The following SNAP23 variants were observed in gnomAD, a reference collection of about 807,000 sequenced individuals.
SNAP23 encodes the protein synaptosomal-associated protein 23.
In SNAP23, 11 loss-of-function variants were observed where a neutral mutation model predicts 29.0. The ratio of observed to expected loss-of-function variants is 0.38; its 90% CI spans 0.24 to 0.63. The LOEUF (loss-of-function observed/expected upper bound fraction) is 0.63. Among genes scored for constraint, SNAP23 ranks in the 20% least tolerant of loss-of-function variants. The pLI, the probability that SNAP23 is intolerant of heterozygous loss-of-function variation, is 0.58. For missense variants in SNAP23, 220 were observed against 253.9 expected (o/e 0.87, Z 0.91); for synonymous variants, 60 against 82.9 (o/e 0.72, Z 1.50).
intron 1 of SNAP23, among the ~76,000 whole-genome samples, chr15:42,506,501 G>T (rs2057318103): frequency 6.6e-6 from 1 of 152,188 alleles, no homozygotes; most frequent in African/African-American, 2.4e-5. Flanking sequence ...GCCCTCAAAA[G>T]TGCCAGAGTT....
rs532927058 is a variant in SNAP23, at chr15:42,531,619, C to T, written c.*141C>T. On this transcript the variant is annotated 3_prime_UTR_variant, in exon 8 of 8. Transcript: ENST00000249647. ...GGAAGAAGGGCCAGAGCAGTTACAGCCCTCCTTCTTTTTTGTTTTCTGTTG... is the reference window on the plus strand; with the variant it reads ...GGAAGAAGGGCCAGAGCAGTTACAGTCCTCCTTCTTTTTTGTTTTCTGTTG... 16 of 549,722 alleles carry T rather than the reference C, an allele frequency of 2.9e-5. No individual in the cohort carries two copies. The highest frequency in any genetic ancestry group is 2.9e-4 in the African/African-American group (15 of 51,574). 34.1% of individuals were successfully genotyped at this position (549,722 alleles called of 1,614,324 possible). A position where few individuals can be genotyped will look rare whatever the true frequency, so the allele number is the denominator to read the frequency against.
chr15:42,500,623 C>T (rs1433633941), intron 1 of SNAP23, among the ~76,000 whole-genome samples: 2 of 152,098 alleles, frequency 1.3e-5, no homozygotes, highest in African/African-American at 2.4e-5. Flanking sequence ...CTCCTGACCT[C>T]AGATGATCTG....
chr15:42,499,577 G>A (rs969663982), intron 1 of SNAP23, among the ~76,000 whole-genome samples: 8 of 152,062 alleles, frequency 5.3e-5, no homozygotes, highest in African/African-American at 1.9e-4. Flanking sequence ...CTTCCAAAGT[G>A]ATAATCTGTG....
intron 4 of SNAP23, 111 bp downstream of exon 4, chr15:42,513,558 T>G: frequency 1.2e-6 from 1 of 802,510 alleles, no homozygotes; most frequent in Non-Finnish European, 2.1e-6. Flanking sequence ...CTTTGTAAAA[T>G]AAGAATGTTA....
rs1254672284 is a variant in SNAP23, at chr15:42,529,725, T to G, written c.476T>G (p.Val159Gly). 6.2e-7 allele frequency: 1 copy of G among 1,614,094 alleles called. No individual in the cohort carries two copies. The highest frequency in any genetic ancestry group is 8.5e-7 in the Non-Finnish European group (1 of 1,179,980). The change falls in exon 7 of 8, where the codon GTG becomes GGG. Residue 159 changes from valine (V) to glycine (G), a missense_variant. By Grantham distance (109) the Val-to-Gly change is moderately radical. Coordinates refer to ENST00000249647, the MANE Select transcript of SNAP23 (RefSeq NM_003825.4). ...GAAATGGAAGAGAACCTGACTCAAG[T>G]GGGCAGTATCCTGGGAAATCTAAAA... ...EDEMEENLTQ[V>G]GSILGNLKDM...
intron 5 of SNAP23, among the ~76,000 whole-genome samples, chr15:42,524,979 C>T (rs1254280251): frequency 6.6e-6 from 1 of 152,136 alleles, no homozygotes; most frequent in African/African-American, 2.4e-5. Flanking sequence ...CCTTCATAAA[C>T]ACGCAGAACA....
upstream of SNAP23, chr15:42,493,025 G>T (rs940478471): frequency 2.6e-5 from 4 of 152,146 alleles, no homozygotes; most frequent in Non-Finnish European, 5.9e-5. Flanking sequence ...TTTTTTGTCA[G>T]GGGTATCCTG....
chr15:42,522,005 C>T (rs1348460767), intron 5 of SNAP23: 1 of 193,382 alleles, frequency 5.2e-6, no homozygotes, highest in African/African-American at 2.3e-5. Flanking sequence ...CAGTCTAGTT[C>T]TGATAAAAGG....
chr15:42,511,115 G>A (rs1351896981), intron 1 of SNAP23, among the ~76,000 whole-genome samples: 2 of 152,228 alleles, frequency 1.3e-5, no homozygotes, highest in Non-Finnish European at 2.9e-5. Context: ...GCCGTGCTGA[G>A]TAACACCTAC....
intron 3 of SNAP23, 98 bp from the exon 4 acceptor site, chr15:42,513,301 T>C (rs758099038): frequency 2.7e-6 from 3 of 1,094,244 alleles, no homozygotes; most frequent in Non-Finnish European, 2.8e-6. Context: ...CTCTGAGAGC[T>C]TGGGTTTCTA....
At chr15:42,506,771 ATGATCTAT>A (rs1397460181) in intron 1 of SNAP23, among the ~76,000 whole-genome samples, 1 of 151,844 alleles carries the variant, frequency 6.6e-6, no homozygotes, top group African/African-American at 2.4e-5. Flanking sequence ...CAGCTCTCAT[ATGATCTAT>A]TGTTTGTTAA....
chr15:42,515,256 A>G lies in SNAP23; in HGVS notation c.168A>G (p.Glu56=). ...TCTTAGAACAACTAAACCGCATAGAAGAAGGCTTGGACCAAATAAATAAGG... is the reference window on the plus strand; with the variant it reads ...TCTTAGAACAACTAAACCGCATAGAGGAAGGCTTGGACCAAATAAATAAGG... ...DEQKEQLNRI[E]EGLDQINKDM... Residue 56 remains glutamate, a synonymous_variant, in exon 5 of 8, where the codon GAA becomes GAG. Coordinates refer to ENST00000249647, the MANE Select transcript of SNAP23 (RefSeq NM_003825.4). 9 of 1,606,964 alleles carry G rather than the reference A, an allele frequency of 5.6e-6. No homozygotes were observed. The highest frequency in any genetic ancestry group is 7.6e-6 in the Non-Finnish European group (9 of 1,177,090).
upstream of SNAP23, among the ~76,000 whole-genome samples, chr15:42,491,765 A>G (rs1412246468): frequency 2.6e-5 from 4 of 152,202 alleles, no homozygotes; most frequent in Non-Finnish European, 5.9e-5. Context: ...TTTTTTAAGT[A>G]GAGACGGGGT....
At chr15:42,495,176 T>C (rs2057206112), upstream of SNAP23, 1 of 152,250 alleles carries the variant, frequency 6.6e-6, no homozygotes, top group African/African-American at 2.4e-5. Context: ...GAACTCCTAC[T>C]TATCCTTCAT....
intron 5 of SNAP23, among the ~76,000 whole-genome samples, chr15:42,527,118 G>T (rs1458348215): frequency 6.6e-6 from 1 of 152,132 alleles, no homozygotes; most frequent in African/African-American, 2.4e-5. Context: ...GATTACCGGT[G>T]TGAGCTACTG....
At chr15:42,527,546 C>T (rs981052062) in intron 5 of SNAP23, among the ~76,000 whole-genome samples, 5 of 152,006 alleles carry the variant, frequency 3.3e-5, no homozygotes, top group Non-Finnish European at 5.9e-5. Flanking sequence ...CCACCACACC[C>T]AGCTAATGTT....
intron 1 of SNAP23, among the ~76,000 whole-genome samples, chr15:42,501,625 T>C (rs568280687): frequency 6.6e-6 from 1 of 152,306 alleles, no homozygotes; most frequent in African/African-American, 2.4e-5. Context: ...CTACCCAGGC[T>C]GGTCTCAAAC....
At chr15:42,513,566 T>G in intron 4 of SNAP23, 119 bp downstream of exon 4, 2 of 759,044 alleles carry the variant, frequency 2.6e-6, no homozygotes, top group Non-Finnish European at 4.6e-6. Context: ...AATAAGAATG[T>G]TATGTTTACT....
At chr15:42,501,548 C>T (rs1036081352) in intron 1 of SNAP23, among the ~76,000 whole-genome samples, 4 of 151,932 alleles carry the variant, frequency 2.6e-5, no homozygotes, top group Non-Finnish European at 5.9e-5. Context: ...TACAGGTGCA[C>T]GCCACCAGGC....
Sources: allele counts gnomAD v4.1 joint callset (sites outside exome capture counted in the v4.1 genomes callset), GRCh38; gene constraint gnomAD v4.1.1; transcripts MANE v1.5; gene names NCBI Gene and HGNC (gene_info 2026-07-23, HGNC 2026-07-21).